The following ASTN2 variants were observed in gnomAD, a reference collection of about 807,000 sequenced individuals.
The protein encoded by ASTN2 is astrotactin-2.
ASTN2 carries 54 observed loss-of-function variants against 139.8 expected under a neutral mutation model. That is an observed-to-expected ratio of 0.39 (90% CI 0.31 to 0.48). The LOEUF is 0.48. ASTN2 is among the 20% of genes least tolerant of loss of function. ASTN2 has a pLI of 0.95. For synonymous variants in ASTN2, 756 were observed against 719.5 expected, an observed-to-expected ratio of 1.05 and a Z score of -0.81; for missense variants, 1,565 against 1,725.1, an observed-to-expected ratio of 0.91 and a Z score of 1.64.
At chr9:116,515,777 A>G (rs949253500) in intron 19 of ASTN2, among the ~76,000 whole-genome samples, 5 of 152,216 alleles carry the variant, frequency 3.3e-5, no homozygotes, top group Non-Finnish European at 7.3e-5. Context: ...TGATCTACTG[A>G]GCAGACATCA....
At chr9:116,993,560 C>T (rs1836920771) in intron 7 of ASTN2, among the ~76,000 whole-genome samples, 1 of 150,390 alleles carries the variant, frequency 6.6e-6, no homozygotes, top group Admixed American at 6.7e-5. Flanking sequence ...TACAGCAATA[C>T]AATTTCATTA....
chr9:116,825,915 T>C (rs1831610680), intron 11 of ASTN2, among the ~76,000 whole-genome samples: 1 of 152,200 alleles, frequency 6.6e-6, no homozygotes. Context: ...ATATGGCTGC[T>C]GCTGCCCTGT....
chr9:116,746,807 TG>T (rs1425703602), intron 13 of ASTN2, among the ~76,000 whole-genome samples: 2 of 152,298 alleles, frequency 1.3e-5, no homozygotes, highest in Admixed American at 1.3e-4. Context: ...AGTCACCCTC[TG>T]TCTCCCTCAT....
At chr9:116,873,954 A>G (rs1833231439) in intron 10 of ASTN2, among the ~76,000 whole-genome samples, 1 of 152,202 alleles carries the variant, frequency 6.6e-6, no homozygotes, top group Admixed American at 6.5e-5. Flanking sequence ...CACTGACCCA[A>G]TGAAACCTCT....
At chr9:116,683,531 G>A (rs1348851123) in intron 16 of ASTN2, among the ~76,000 whole-genome samples, 1 of 152,156 alleles carries the variant, frequency 6.6e-6, no homozygotes, top group Admixed American at 6.5e-5. Context: ...CACACTCTGA[G>A]TGCAGGTCTC....
chr9:116,803,984 A>G (rs892947395), intron 13 of ASTN2, among the ~76,000 whole-genome samples: 6 of 152,096 alleles, frequency 3.9e-5, no homozygotes, highest in African/African-American at 1.4e-4. Context: ...TTTCCAGTAA[A>G]GTAGCATTCA....
At chr9:117,042,069 T>A (rs529691753) in intron 5 of ASTN2, among the ~76,000 whole-genome samples, 1 of 152,192 alleles carries the variant, frequency 6.6e-6, no homozygotes, top group East Asian at 1.9e-4. Context: ...AGAATCTCAG[T>A]AAGTGCATGA....
At chr9:117,180,922 A>C in intron 3 of ASTN2, 1 of 1,595,272 alleles carries the variant, frequency 6.3e-7, no homozygotes, top group Non-Finnish European at 8.5e-7. Flanking sequence ...CTTGTTCTGC[A>C]GCTTGGTGTG....
chr9:117,060,484 G>T (rs188085534), intron 5 of ASTN2, among the ~76,000 whole-genome samples: 657 of 57,844 alleles, frequency 0.011, 30 homozygotes, highest in South Asian at 0.061. Flanking sequence ...AAGGAAGGAA[G>T]GAATGAAAGA....
chr9:116,964,352 G>A (rs114283267), intron 10 of ASTN2, among the ~76,000 whole-genome samples: 1,986 of 152,088 alleles, frequency 0.013, 58 homozygotes, highest in African/African-American at 0.045. Flanking sequence ...CAGCTGCAAC[G>A]AGTGGGCCTT....
intron 10 of ASTN2, among the ~76,000 whole-genome samples, chr9:116,951,545 G>T (rs1835564154): frequency 6.6e-6 from 1 of 151,944 alleles, no homozygotes; most frequent in African/African-American, 2.4e-5. Flanking sequence ...GTAGAACAAG[G>T]TCCTTCAATA....
intron 16 of ASTN2, among the ~76,000 whole-genome samples, chr9:116,666,673 TTC>T (rs1256606149): frequency 6.6e-6 from 1 of 152,052 alleles, no homozygotes; most frequent in African/African-American, 2.4e-5. Flanking sequence ...TAAAATGTTT[TTC>T]TGAGAAAAGG....
chr9:117,342,656 A>G (rs1829096930), intron 1 of ASTN2, among the ~76,000 whole-genome samples: 1 of 152,202 alleles, frequency 6.6e-6, no homozygotes, highest in Admixed American at 6.5e-5. Context: ...CACCTACAAA[A>G]TGAGGGGAGA....
intron 4 of ASTN2, among the ~76,000 whole-genome samples, chr9:117,134,281 TATATATATATATATACACACAC>T (rs1373337754): frequency 4.0e-5 from 3 of 75,578 alleles, no homozygotes; most frequent in Non-Finnish European, 8.5e-5. Context: ...TATATATATA[TATATATATATATATACACACAC>T]ACACACACAC....
At position 116,966,092 on chromosome 9, in the gene ASTN2, C is replaced by G. The variant is rs564782212; in HGVS notation, c.1889+9116G>C. 1.1e-4 allele frequency among the ~76,000 whole-genome samples: 17 copies of G among 152,292 alleles called. 1 individual carries two copies. The South Asian group carries it at 3.3e-3, about 30-fold the overall frequency. ...GTATACATGCCCAAAATCATACTTT[C>G]ATGTGTCTCTCTCTTTCATCTAAAG... is the stretch of plus-strand genomic sequence containing the variant. On this transcript the variant is annotated intron_variant, in intron 10 of 22. Transcript: ENST00000313400.
chr9:116,751,768 C>T (rs930364516), intron 13 of ASTN2, among the ~76,000 whole-genome samples: 3 of 151,638 alleles, frequency 2.0e-5, no homozygotes, highest in Admixed American at 6.6e-5. Flanking sequence ...TACATTAGTA[C>T]CAAAAAATAA....
intron 1 of ASTN2, among the ~76,000 whole-genome samples, chr9:117,357,711 A>G (rs922594995): frequency 4.6e-5 from 7 of 152,156 alleles, no homozygotes; most frequent in Non-Finnish European, 1.0e-4. Flanking sequence ...AGAATGTTAT[A>G]TCATGCCTAA....
chr9:117,371,898 T>C (rs1037982048), intron 1 of ASTN2, among the ~76,000 whole-genome samples: 4 of 152,054 alleles, frequency 2.6e-5, no homozygotes, highest in Non-Finnish European at 5.9e-5. Context: ...AGAGAGCCAG[T>C]GATGATCTCC....
At chr9:116,887,689 ACAGGGTCTCACTCTGCCACC>A (rs140317079) in intron 10 of ASTN2, among the ~76,000 whole-genome samples, 5,314 of 152,128 alleles carry the variant, frequency 0.035, 153 homozygotes, top group Middle Eastern at 0.11. Context: ...TTTTTTTGAG[ACAGGGTCTCACTCTGCCACC>A]CAGGGTGGAG....
Sources: gnomAD v4.1 joint callset for allele counts (sites outside exome capture counted in the v4.1 genomes callset) on GRCh38, gnomAD v4.1.1 for gene constraint, MANE v1.5 for transcripts, NCBI Gene and HGNC (gene_info 2026-07-23, HGNC 2026-07-21) for gene names.